Variants in DPP10 observed in about 807,000 individuals in gnomAD.
The protein encoded by DPP10 is inactive dipeptidyl peptidase 10.
Under a neutral mutation model 120.9 loss-of-function variants are expected in DPP10, and 33 were observed. The ratio of observed to expected loss-of-function variants is 0.27; its 90% CI spans 0.21 to 0.37. The LOEUF is 0.37. DPP10 is among the 10% of genes least tolerant of loss of function. DPP10 has a pLI of 1.00. For synonymous variants in DPP10, 337 were observed against 326.1 expected, an observed-to-expected ratio of 1.03 and a Z score of -0.36; for missense variants, 816 against 942.8, an observed-to-expected ratio of 0.87 and a Z score of 1.76.
intron 19 of DPP10, among the ~76,000 whole-genome samples, chr2:115,799,562 C>A (rs1252180223): frequency 6.7e-6 from 1 of 149,508 alleles, no homozygotes; most frequent in Non-Finnish European, 1.5e-5. Flanking sequence ...TTAGGTATAT[C>A]TCCTAATGCT....
chr2:115,414,510 T>C (rs1332988195), intron 3 of DPP10, among the ~76,000 whole-genome samples: 1 of 152,216 alleles, frequency 6.6e-6, no homozygotes, highest in Non-Finnish European at 1.5e-5. Flanking sequence ...AAGTCTATTA[T>C]GTGTTTTCAG....
chr2:114,978,210 G>A (rs1699871214), intron 1 of DPP10, among the ~76,000 whole-genome samples: 1 of 152,142 alleles, frequency 6.6e-6, no homozygotes, highest in Non-Finnish European at 1.5e-5. Context: ...GTCCAATATG[G>A]TTACCACTAG....
chr2:114,789,822 G>T (rs1164022218), intron 1 of DPP10, among the ~76,000 whole-genome samples: 2 of 152,206 alleles, frequency 1.3e-5, no homozygotes, highest in Non-Finnish European at 2.9e-5. Flanking sequence ...AATTCCTTGT[G>T]ACACAGAGCA....
At chr2:114,595,151 C>T (rs17048497) in intron 1 of DPP10, among the ~76,000 whole-genome samples, 3 of 151,942 alleles carry the variant, frequency 2.0e-5, no homozygotes, top group African/African-American at 7.3e-5. Context: ...CCTAAAGTCC[C>T]GTCTCCAGTT....
intron 7 of DPP10, among the ~76,000 whole-genome samples, chr2:115,726,870 T>C (rs1357506537): frequency 6.6e-6 from 1 of 152,118 alleles, no homozygotes. Flanking sequence ...TATACCATGC[T>C]AGGATACAGG....
intron 1 of DPP10, among the ~76,000 whole-genome samples, chr2:114,891,647 C>G (rs1558850202): frequency 6.6e-6 from 1 of 152,158 alleles, no homozygotes; most frequent in Non-Finnish European, 1.5e-5. Context: ...GTAACTTTAT[C>G]AAAAGAGGGC....
At chr2:114,697,824 A>C (rs1700159973) in intron 1 of DPP10, among the ~76,000 whole-genome samples, 1 of 151,736 alleles carries the variant, frequency 6.6e-6, no homozygotes, top group African/African-American at 2.4e-5. Context: ...ACCAGAATCT[A>C]TCTCTTTGCT....
intron 1 of DPP10, among the ~76,000 whole-genome samples, chr2:114,853,909 T>G (rs1326401716): frequency 6.6e-6 from 1 of 152,200 alleles, no homozygotes; most frequent in Non-Finnish European, 1.5e-5. Flanking sequence ...AGATGCTGCC[T>G]TCAGCTGTCT....
intron 7 of DPP10, among the ~76,000 whole-genome samples, chr2:115,725,829 C>A (rs994968610): frequency 5.3e-5 from 8 of 152,040 alleles, no homozygotes; most frequent in African/African-American, 1.9e-4. Flanking sequence ...ACGTTGTGCA[C>A]CTGTGTTGTA....
chr2:114,713,300 A>G (rs1316700915), intron 1 of DPP10, among the ~76,000 whole-genome samples: 1 of 152,102 alleles, frequency 6.6e-6, no homozygotes, highest in Non-Finnish European at 1.5e-5. Context: ...ATTTTGTAAT[A>G]AAATTCTGAC....
chr2:114,524,246 A>C (rs943209066), intron 1 of DPP10, among the ~76,000 whole-genome samples: 1 of 152,234 alleles, frequency 6.6e-6, no homozygotes, highest in African/African-American at 2.4e-5. Flanking sequence ...TAGAGAGGAA[A>C]CAGAATGTCA....
chr2:115,672,670 C>CTT (rs1553475937), intron 5 of DPP10, among the ~76,000 whole-genome samples: 1,452 of 47,188 alleles, frequency 0.031, 45 homozygotes, highest in African/African-American at 0.056. Context: ...CTTTCTTTCT[C>CTT]TCTTTCTTTC....
intron 1 of DPP10, among the ~76,000 whole-genome samples, chr2:114,899,288 T>A (rs1320030224): frequency 1.3e-5 from 2 of 152,066 alleles, no homozygotes; most frequent in Non-Finnish European, 2.9e-5. Context: ...GAGGTTTTTT[T>A]TAACTTTTTA....
chr2:114,991,545 C>A (rs1574647779), intron 1 of DPP10, among the ~76,000 whole-genome samples: 1 of 152,272 alleles, frequency 6.6e-6, no homozygotes, highest in Non-Finnish European at 1.5e-5. Flanking sequence ...TTACTGCCAA[C>A]AACATATTAA....
chr2:114,665,802 CAT>C (rs1334647956), intron 1 of DPP10, among the ~76,000 whole-genome samples: 2 of 152,042 alleles, frequency 1.3e-5, no homozygotes, highest in Non-Finnish European at 2.9e-5. Context: ...CACCTTCACT[CAT>C]AGAAATTACT....
chr2:114,800,466 T>A (rs1230363397), intron 1 of DPP10, among the ~76,000 whole-genome samples: 1 of 152,204 alleles, frequency 6.6e-6, no homozygotes, highest in Non-Finnish European at 1.5e-5. Flanking sequence ...ATACGAGGAA[T>A]GCTAAAATTA....
At chr2:115,716,537 C>T (rs531954299) in intron 7 of DPP10, among the ~76,000 whole-genome samples, 2 of 152,226 alleles carry the variant, frequency 1.3e-5, no homozygotes, top group East Asian at 1.9e-4. Flanking sequence ...AAGTGATTCT[C>T]ATCCTCAGTC....
intron 5 of DPP10, among the ~76,000 whole-genome samples, chr2:115,561,411 C>T (rs1214724996): frequency 6.7e-6 from 1 of 149,034 alleles, no homozygotes; most frequent in Admixed American, 6.7e-5. Flanking sequence ...AAAGACTGAC[C>T]CATTGCGGTG....
intron 1 of DPP10, chr2:114,461,814 A>G: frequency 7.1e-6 from 7 of 985,432 alleles, no homozygotes; most frequent in Non-Finnish European, 8.4e-6. Context: ...TACCTGGTAC[A>G]TACCAAATAT....
Sources: gnomAD v4.1 joint callset for allele counts (sites outside exome capture counted in the v4.1 genomes callset) on GRCh38, gnomAD v4.1.1 for gene constraint, MANE v1.5 for transcripts, NCBI Gene and HGNC (gene_info 2026-07-23, HGNC 2026-07-21) for gene names.